Variants in EYS observed in about 807,000 individuals in gnomAD.
EYS encodes the protein protein eyes shut homolog.
EYS carries 250 observed loss-of-function variants against 282.1 expected under a neutral mutation model. The ratio of observed to expected loss-of-function variants is 0.89; its 90% CI spans 0.80 to 0.98. The LOEUF (loss-of-function observed/expected upper bound fraction) is 0.98. Ranked by LOEUF, EYS falls within the 50% of genes least tolerant of loss-of-function variation. EYS has a pLI of 0.00. For missense variants in EYS, 4,016 were observed against 3,709.0 expected (o/e 1.08, Z -2.15); for synonymous variants, 1,355 against 1,282.9 (o/e 1.06, Z -1.20).
At chr6:64,778,731 C>A (rs921857915) in intron 22 of EYS, among the ~76,000 whole-genome samples, 17 of 152,048 alleles carry the variant, frequency 1.1e-4, no homozygotes, top group African/African-American at 3.4e-4. Flanking sequence ...AGCAAAAGAT[C>A]CTAATAAATG....
chr6:64,096,390 A>G (rs1452795171), intron 31 of EYS, among the ~76,000 whole-genome samples: 2 of 152,216 alleles, frequency 1.3e-5, no homozygotes, highest in Non-Finnish European at 1.5e-5. Context: ...AGGTACACCA[A>G]TCAGACGTAG....
intron 22 of EYS, among the ~76,000 whole-genome samples, chr6:64,687,758 T>C (rs1583041461): frequency 6.6e-6 from 1 of 152,322 alleles, no homozygotes; most frequent in East Asian, 1.9e-4. Flanking sequence ...GAGGATTCCC[T>C]TTTTTTCTAT....
chr6:64,496,402 C>T lies in EYS; in HGVS notation c.5645-57050G>A, dbSNP rs913243608. 1.1e-4 allele frequency among the ~76,000 whole-genome samples: 16 copies of T among 152,044 alleles called. No homozygotes were observed. The East Asian group carries it at 1.7e-3, about 17-fold the overall frequency. ...TGAATAGTGGCCTTGCTTGTTTATACTGTAAACCTAGTAGTTAATTTTTAA... is the reference window on the plus strand; with the variant it reads ...TGAATAGTGGCCTTGCTTGTTTATATTGTAAACCTAGTAGTTAATTTTTAA... On this transcript the variant is annotated intron_variant, in intron 26 of 42. Transcript: ENST00000503581.
rs191988974 is a variant in EYS, at chr6:63,889,501, A to T, written c.7056-25143T>A. Among the ~76,000 whole-genome samples, 1,159 of 152,332 alleles carry T rather than the reference A, an allele frequency of 7.6e-3. 18 individuals carry two copies. Among genetic ancestry groups the T allele is most frequent in the African/African-American group, 0.026 (1,087 of 41,576 alleles). On this transcript the variant is annotated intron_variant, in intron 35 of 42. Coordinates refer to ENST00000503581, the MANE Select transcript of EYS (RefSeq NM_001142800.2). ...TAAAGAAAAGAATTTTCAACCTAGA[A>T]TTTCATATCCAGCCAAACTATGCTT... is the stretch of plus-strand genomic sequence containing the variant.
intron 14 of EYS, among the ~76,000 whole-genome samples, chr6:64,991,722 A>G (rs956100345): frequency 6.6e-6 from 1 of 151,724 alleles, no homozygotes; most frequent in African/African-American, 2.4e-5. Context: ...TCTTAAAGAC[A>G]AAAACATTAA....
chr6:65,312,323 T>C (rs1769182005), intron 11 of EYS, among the ~76,000 whole-genome samples: 2 of 151,794 alleles, frequency 1.3e-5, no homozygotes, highest in Non-Finnish European at 1.5e-5. Context: ...TCATGATAAA[T>C]TAAGTGATCA....
intron 40 of EYS, among the ~76,000 whole-genome samples, chr6:63,763,501 G>T (rs1319897551): frequency 6.6e-6 from 1 of 151,940 alleles, no homozygotes; most frequent in African/African-American, 2.4e-5. Context: ...CCCATGTGTT[G>T]TGGGAGGGAC....
chr6:64,868,244 T>C (rs1344425513), intron 19 of EYS, among the ~76,000 whole-genome samples: 2 of 151,566 alleles, frequency 1.3e-5, no homozygotes, highest in East Asian at 3.8e-4. Context: ...TTTATAATCC[T>C]GGAAATTCAC....
chr6:64,230,686 A>G lies in EYS; in HGVS notation c.6330T>C (p.Asn2110=), dbSNP rs2150337969. The change falls in exon 31 of 43, where the codon AAT becomes AAC. Residue 2110 remains asparagine (N), a synonymous_variant. Coordinates refer to ENST00000503581, the MANE Select transcript of EYS (RefSeq NM_001142800.2). Reference sequence around the variant, plus strand: ...GGAAGATGGCATGGCATGTGCCTCCATTGTGGCATACATCCTGCTGGCACA... The same window carrying G: ...GGAAGATGGCATGGCATGTGCCTCCGTTGTGGCATACATCCTGCTGGCACA... ...PSVCQQDVCH[N]GGTCHAIFLS... 1 of 1,551,608 alleles carries G rather than the reference A, an allele frequency of 6.4e-7. No individual in the cohort carries two copies. The highest frequency in any genetic ancestry group is 2.4e-5 in the East Asian group (1 of 40,920).
chr6:64,303,856 A>C (rs957364727), intron 30 of EYS, among the ~76,000 whole-genome samples: 4 of 151,664 alleles, frequency 2.6e-5, no homozygotes, highest in Non-Finnish European at 4.4e-5. Flanking sequence ...AAAAAAAAAA[A>C]AAAAAGCCTC....
intron 31 of EYS, among the ~76,000 whole-genome samples, chr6:64,175,328 G>A (rs943112316): frequency 5.3e-5 from 8 of 152,112 alleles, no homozygotes; most frequent in Non-Finnish European, 7.4e-5. Flanking sequence ...ACAAAAGCTA[G>A]TGTGCTTCTA....
chr6:64,316,557 T>C (rs1769973288), intron 29 of EYS, among the ~76,000 whole-genome samples: 1 of 151,934 alleles, frequency 6.6e-6, no homozygotes, highest in African/African-American at 2.4e-5. Context: ...CTCAAGGAAA[T>C]AAGAGAGGAC....
chr6:64,434,115 C>A (rs1774659389), intron 28 of EYS, among the ~76,000 whole-genome samples: 1 of 151,474 alleles, frequency 6.6e-6, no homozygotes. Context: ...GTCTGGTGAT[C>A]TTATTACAAG....
intron 26 of EYS, among the ~76,000 whole-genome samples, chr6:64,542,706 T>C (rs1268980005): frequency 2.0e-5 from 3 of 152,078 alleles, no homozygotes; most frequent in Non-Finnish European, 2.9e-5. Context: ...TAATTAATTG[T>C]CTGATGTGGA....
At chr6:65,031,169 G>A (rs868202565) in intron 13 of EYS, among the ~76,000 whole-genome samples, 19 of 126,810 alleles carry the variant, frequency 1.5e-4, no homozygotes, top group African/African-American at 4.6e-4. Flanking sequence ...ACACACACAC[G>A]CACATACACA....
intron 13 of EYS, among the ~76,000 whole-genome samples, chr6:65,054,018 T>C (rs1561942368): frequency 6.6e-6 from 1 of 151,918 alleles, no homozygotes; most frequent in Non-Finnish European, 1.5e-5. Context: ...AGTTTCTAAG[T>C]TTTACAAATA....
chr6:65,603,087 C>T (rs1765666670), intron 2 of EYS, among the ~76,000 whole-genome samples: 1 of 151,884 alleles, frequency 6.6e-6, no homozygotes, highest in Non-Finnish European at 1.5e-5. Context: ...CTTTTCCATT[C>T]CTGTATTTAA....
chr6:65,204,801 T>C (rs1465554812), intron 12 of EYS, among the ~76,000 whole-genome samples: 2 of 150,370 alleles, frequency 1.3e-5, no homozygotes, highest in Non-Finnish European at 3.0e-5. Flanking sequence ...GAATAATATA[T>C]TCTGGAAGAA....
intron 33 of EYS, among the ~76,000 whole-genome samples, chr6:64,023,799 G>C (rs569889064): frequency 1.3e-5 from 2 of 152,322 alleles, no homozygotes; most frequent in East Asian, 3.9e-4. Flanking sequence ...GTGGGAACTG[G>C]GGCTGTGCCG....
Sources: allele counts gnomAD v4.1 joint callset (sites outside exome capture counted in the v4.1 genomes callset), GRCh38; gene constraint gnomAD v4.1.1; transcripts MANE v1.5; gene names NCBI Gene and HGNC (gene_info 2026-07-23, HGNC 2026-07-21).